Variants in SPACA1 observed in about 807,000 individuals in gnomAD.
SPACA1 encodes sperm acrosome associated 1.
A neutral mutation model predicts 32.6 loss-of-function variants in SPACA1; 17 were observed. The ratio of observed to expected loss-of-function variants is 0.52; its 90% CI spans 0.36 to 0.78. SPACA1 has a LOEUF of 0.78. Among genes scored for constraint, SPACA1 ranks in the 30% least tolerant of loss-of-function variants. SPACA1 has a pLI of 0.01. For missense variants in SPACA1, 363 were observed against 373.4 expected, an observed-to-expected ratio of 0.97 and a Z score of 0.23; for synonymous variants, 140 against 138.1, an observed-to-expected ratio of 1.01 and a Z score of -0.10.
In SPACA1 at chr6:88,051,001, G is replaced by T. The variant is rs527769079; in HGVS notation, c.208+2888G>T. 2.0e-5 allele frequency among the ~76,000 whole-genome samples: 3 copies of T among 152,074 alleles called. No homozygotes were observed. The East Asian group carries it at 5.8e-4, about 29-fold the overall frequency. ...TCTCTACTAAAAATACAAAAAATTAGCCGGGCGTGGTTGCGTGTGCCTGTA... is the reference window on the plus strand; with the variant it reads ...TCTCTACTAAAAATACAAAAAATTATCCGGGCGTGGTTGCGTGTGCCTGTA... On this transcript the variant is annotated intron_variant, in intron 1 of 6. Coordinates refer to ENST00000237201, the MANE Select transcript of SPACA1 (RefSeq NM_030960.3).
chr6:88,048,783 CT>C (rs11312190), intron 1 of SPACA1, among the ~76,000 whole-genome samples: 137,093 of 152,150 alleles, frequency 0.9, 61,966 homozygotes, highest in African/African-American at 0.96. Flanking sequence ...CATACATTTG[CT>C]TTTTTTTCTG....
intron 5 of SPACA1, among the ~76,000 whole-genome samples, chr6:88,060,717 T>G (rs958967127): frequency 2.6e-5 from 4 of 152,188 alleles, no homozygotes; most frequent in African/African-American, 9.7e-5. Flanking sequence ...ATCATTAAAC[T>G]AAAAAATATC....
upstream of SPACA1, chr6:88,047,680 C>T (rs981574781): frequency 1.9e-6 from 1 of 517,304 alleles, no homozygotes; most frequent in Non-Finnish European, 3.4e-6. Flanking sequence ...TTGTCGCACG[C>T]GGCTTCTCGT....
chr6:88,057,467 A>T (rs533722108), intron 2 of SPACA1, 145 bp from the exon 3 acceptor site: 3 of 556,588 alleles, frequency 5.4e-6, no homozygotes, highest in East Asian at 2.9e-5. Context: ...AGCCAAAAAA[A>T]TTTTAAGTGT....
chr6:88,054,729 C>T (rs1358107768), intron 2 of SPACA1, among the ~76,000 whole-genome samples: 1 of 152,114 alleles, frequency 6.6e-6, no homozygotes, highest in African/African-American at 2.4e-5. Flanking sequence ...CCATTCAGAT[C>T]TAGATCAGAA....
At chr6:88,055,961 T>A (rs1775800930) in intron 2 of SPACA1, among the ~76,000 whole-genome samples, 1 of 151,270 alleles carries the variant, frequency 6.6e-6, no homozygotes, top group South Asian at 2.1e-4. Flanking sequence ...AAAGCGAGAC[T>A]CCATCTCAAA....
chr6:88,052,274 A>T (rs1775738514), intron 1 of SPACA1, among the ~76,000 whole-genome samples: 1 of 152,190 alleles, frequency 6.6e-6, no homozygotes, highest in Non-Finnish European at 1.5e-5. Flanking sequence ...CAACTCTCCC[A>T]AAGTAGAATG....
intron 2 of SPACA1, among the ~76,000 whole-genome samples, chr6:88,057,338 T>A (rs1763412202): frequency 6.6e-6 from 1 of 152,220 alleles, no homozygotes; most frequent in Admixed American, 6.5e-5. Context: ...TTTCATTTGA[T>A]GTAACATTTT....
At chr6:88,049,120 A>G (rs185136561) in intron 1 of SPACA1, among the ~76,000 whole-genome samples, 194 of 152,330 alleles carry the variant, frequency 1.3e-3, no homozygotes, top group African/African-American at 4.6e-3. Flanking sequence ...ACATTATACT[A>G]CAGAGAGCTT....
At chr6:88,048,266 G>C (rs1775674854) in intron 1 of SPACA1, among the ~76,000 whole-genome samples, 153 bp downstream of exon 1, 1 of 152,222 alleles carries the variant, frequency 6.6e-6, no homozygotes, top group African/African-American at 2.4e-5. Flanking sequence ...CTTGCATCCT[G>C]TGGCCTTGAA....
intron 5 of SPACA1, among the ~76,000 whole-genome samples, 182 bp from the exon 6 acceptor site, chr6:88,063,917 T>C (rs1265522373): frequency 6.6e-6 from 1 of 152,182 alleles, no homozygotes; most frequent in Non-Finnish European, 1.5e-5. Flanking sequence ...CAAATTCTTT[T>C]AACTTTTTTC....
At position 88,059,867 on chromosome 6, in the gene SPACA1, T is replaced by C. The variant is rs560920034; in HGVS notation, c.610+279T>C. ...TTTTCACAAAGTAGTCACAATTTCC[T>C]CACTTTGGGAAACTGGTGTATTTCT... On this transcript the variant is annotated intron_variant, in intron 5 of 6. Coordinates refer to ENST00000237201, the MANE Select transcript of SPACA1 (RefSeq NM_030960.3). Among the ~76,000 whole-genome samples the C allele has an allele frequency of 3.3e-5, 5 of 152,340 alleles. 1 individual carries two copies. The South Asian group carries it at 1.0e-3, about 32-fold the overall frequency.
intron 3 of SPACA1, 52 bp downstream of exon 3, chr6:88,057,765 G>T: frequency 6.6e-7 from 1 of 1,514,212 alleles, no homozygotes; most frequent in Non-Finnish European, 9.2e-7. Context: ...TTTACTCTGG[G>T]GAAATATTTT....
At position 88,048,096 on chromosome 6, in the gene SPACA1, C is replaced by T. The variant is rs1200509893; in HGVS notation, c.191C>T (p.Pro64Leu). Reference sequence around the variant, plus strand: ...AGCGAGACCGCGGAGAACTACGCTCCGCCTGAAACCGAGGATGGTGAGGGC... The same window carrying T: ...AGCGAGACCGCGGAGAACTACGCTCTGCCTGAAACCGAGGATGGTGAGGGC... ...NDSETAENYA[P>L]PETEDVSNRN... Residue 64 changes from proline to leucine, a missense_variant, in exon 1 of 7, where the codon CCG (proline) becomes CTG (leucine). By Grantham distance (98) the Pro-to-Leu change is moderately conservative. Coordinates refer to ENST00000237201, the MANE Select transcript of SPACA1 (RefSeq NM_030960.3). The T allele has an allele frequency of 1.3e-6, 2 of 1,593,350 alleles. No individual in the cohort carries two copies. Among genetic ancestry groups the T allele is most frequent in the East Asian group, 2.3e-5 (1 of 44,140 alleles).
chr6:88,066,139 T>C, intron 6 of SPACA1, 43 bp from the exon 7 acceptor site: 1 of 1,517,182 alleles, frequency 6.6e-7, no homozygotes, highest in Non-Finnish European at 8.8e-7. Context: ...CAGTTTTAGT[T>C]TTCACTTCAT....
chr6:88,049,652 A>G (rs1204315883), intron 1 of SPACA1, among the ~76,000 whole-genome samples: 1 of 152,202 alleles, frequency 6.6e-6, no homozygotes, highest in East Asian at 1.9e-4. Context: ...TAATTTACAA[A>G]TAAGAATAAA....
At chr6:88,049,850 T>G in intron 1 of SPACA1, among the ~76,000 whole-genome samples, 1 of 152,212 alleles carries the variant, frequency 6.6e-6, no homozygotes, top group South Asian at 2.1e-4. Flanking sequence ...TAATACTGAT[T>G]CCAGATTTTG....
intron 4 of SPACA1, 40 bp from the exon 5 acceptor site, chr6:88,059,412 GA>G (rs1765725703): frequency 1.3e-6 from 2 of 1,520,786 alleles, no homozygotes; most frequent in Non-Finnish European, 1.8e-6. Context: ...AAGTGTACAT[GA>G]AAAATGTTGA....
At chr6:88,047,826 G>C (rs1775662328), upstream of SPACA1, 6 of 1,357,624 alleles carry the variant, frequency 4.4e-6, no homozygotes, top group Non-Finnish European at 5.9e-6. Context: ...CGGGCGGGGT[G>C]TCGCAGCTCT....
Sources: gnomAD v4.1 joint callset for allele counts (sites outside exome capture counted in the v4.1 genomes callset) on GRCh38, gnomAD v4.1.1 for gene constraint, MANE v1.5 for transcripts, NCBI Gene and HGNC (gene_info 2026-07-23, HGNC 2026-07-21) for gene names.